ARHGEF7: variants seen among roughly 807,000 people sequenced by gnomAD.
ARHGEF7 encodes the protein Rho guanine nucleotide exchange factor 7.
ARHGEF7 carries 33 observed loss-of-function variants against 109.8 expected under a neutral mutation model. That is an observed-to-expected ratio of 0.30 (90% CI 0.23 to 0.40). The LOEUF (loss-of-function observed/expected upper bound fraction) is 0.40. Among genes scored for constraint, ARHGEF7 ranks in the 10% least tolerant of loss-of-function variants. ARHGEF7 has a pLI of 1.00. For missense variants in ARHGEF7, 938 were observed against 1,098.5 expected (o/e 0.85, Z 2.07); for synonymous variants, 458 against 424.6 (o/e 1.08, Z -0.97).
At chr13:111,232,395 C>T (rs972783085) in intron 5 of ARHGEF7, among the ~76,000 whole-genome samples, 5 of 152,074 alleles carry the variant, frequency 3.3e-5, no homozygotes, top group African/African-American at 2.4e-5. Flanking sequence ...GATGGACACA[C>T]CCACACTGTC....
chr13:111,145,781 C>A lies in ARHGEF7; in HGVS notation c.166-8124C>A, dbSNP rs1429844447. On this transcript the variant is annotated intron_variant, in intron 1 of 21. Transcript: ENST00000646102. This position sits in a 1 kb window ranked among gnomAD's most constrained non-coding sequence, Gnocchi z 4.3. Reference sequence around the variant, plus strand: ...GCCTGGTTGATGCAGTCCTCAGAGGCTGGTGCAGGTTGGTGAAATCCACGG... The same window carrying A: ...GCCTGGTTGATGCAGTCCTCAGAGGATGGTGCAGGTTGGTGAAATCCACGG... Among the ~76,000 whole-genome samples the A allele has an allele frequency of 6.6e-6, 1 of 152,236 alleles. No homozygotes were observed. The highest frequency in any genetic ancestry group is 1.9e-4 in the East Asian group (1 of 5,198).
intron 8 of ARHGEF7, among the ~76,000 whole-genome samples, chr13:111,262,748 G>A (rs1595310833): frequency 1.3e-5 from 2 of 152,326 alleles, no homozygotes; most frequent in African/African-American, 2.4e-5. Flanking sequence ...AAACCCTTGG[G>A]TACCCCCTTT....
intron 1 of ARHGEF7, among the ~76,000 whole-genome samples, chr13:111,147,178 A>C (rs957849982): frequency 6.6e-6 from 1 of 152,216 alleles, no homozygotes; most frequent in Non-Finnish European, 1.5e-5. Context: ...CATGGCTTTC[A>C]GTGGACCTAT....
intron 8 of ARHGEF7, among the ~76,000 whole-genome samples, chr13:111,254,490 G>T: frequency 7.0e-6 from 1 of 141,882 alleles, no homozygotes; most frequent in African/African-American, 2.7e-5. Context: ...GGCCTCAGAA[G>T]AGGATTCGGG....
chr13:111,210,477 A>T (rs2082360341), intron 4 of ARHGEF7, among the ~76,000 whole-genome samples: 1 of 152,214 alleles, frequency 6.6e-6, no homozygotes. Flanking sequence ...CAGGGGAGGG[A>T]ATCCCTTAGA....
intron 5 of ARHGEF7, among the ~76,000 whole-genome samples, chr13:111,227,085 A>G (rs1361421312): frequency 6.6e-6 from 1 of 152,216 alleles, no homozygotes; most frequent in East Asian, 1.9e-4. Flanking sequence ...GAAAACTTGA[A>G]TGGATGAAGA....
At chr13:111,264,902 GGTTT>G (rs2091458084) in intron 8 of ARHGEF7, among the ~76,000 whole-genome samples, 1 of 152,074 alleles carries the variant, frequency 6.6e-6, no homozygotes, top group African/African-American at 2.4e-5. Flanking sequence ...TAGAAGCAGA[GGTTT>G]ATTTTCACCT....
intron 6 of ARHGEF7, chr13:111,241,382 A>G: frequency 6.5e-7 from 1 of 1,531,090 alleles, no homozygotes; most frequent in South Asian, 1.2e-5. Flanking sequence ...AAGGCCAGCA[A>G]CCTCCTGGCA....
intron 6 of ARHGEF7, among the ~76,000 whole-genome samples, chr13:111,234,685 C>G (rs550591131): frequency 1.3e-5 from 2 of 152,250 alleles, no homozygotes; most frequent in South Asian, 4.1e-4. Context: ...AACTCCGGAT[C>G]CTTTTCTGCC....
intron 1 of ARHGEF7, among the ~76,000 whole-genome samples, chr13:111,124,377 A>G (rs545208973): frequency 6.6e-6 from 1 of 152,274 alleles, no homozygotes; most frequent in African/African-American, 2.4e-5. Flanking sequence ...AGAAGTCTGA[A>G]CCTGTTGGTC....
At chr13:111,186,460 C>T (rs2079265865) in intron 2 of ARHGEF7, among the ~76,000 whole-genome samples, 1 of 152,104 alleles carries the variant, frequency 6.6e-6, no homozygotes. Context: ...TAATTTTACC[C>T]CTGGGGTGTA....
intron 4 of ARHGEF7, among the ~76,000 whole-genome samples, chr13:111,213,817 C>A (rs2082789790): frequency 6.6e-6 from 1 of 152,198 alleles, no homozygotes; most frequent in Admixed American, 6.5e-5. Context: ...GGACCCCTCA[C>A]TCAGCTGCCG....
At chr13:111,162,045 C>T (rs1470808476) in intron 2 of ARHGEF7, among the ~76,000 whole-genome samples, 1 of 152,192 alleles carries the variant, frequency 6.6e-6, no homozygotes, top group East Asian at 1.9e-4. Flanking sequence ...CCTGATAGGG[C>T]ACTGCAAGGC....
chr13:111,186,790 C>G, intron 2 of ARHGEF7: 1 of 985,370 alleles, frequency 1.0e-6, no homozygotes, highest in Non-Finnish European at 1.2e-6. Context: ...ACCACTAAAG[C>G]TTCAGTGAGC....
chr13:111,254,170 A>G (rs1428756534), intron 8 of ARHGEF7, among the ~76,000 whole-genome samples: 4 of 152,252 alleles, frequency 2.6e-5, no homozygotes, highest in Non-Finnish European at 4.4e-5. Context: ...ATTTTCTGTA[A>G]GATGATAGTG....
At position 111,300,857 on chromosome 13, in the gene ARHGEF7, C is replaced by T. The variant is rs1356963698; in HGVS notation, c.2411+10C>T. ...CAGTGATAGAAGAAAAGTAAGATGT[C>T]TTCCGGTATTCTAAAGCAGATGTTT... On this transcript the variant is annotated intron_variant, in intron 20 of 21. Transcript: ENST00000646102. 1 of 1,556,080 alleles carries T rather than the reference C, an allele frequency of 6.4e-7. No homozygotes were observed. Among genetic ancestry groups the T allele is most frequent in the Admixed American group, 1.7e-5 (1 of 58,230 alleles).
intron 16 of ARHGEF7, among the ~76,000 whole-genome samples, chr13:111,284,957 A>C (rs1275830627): frequency 6.6e-6 from 1 of 152,240 alleles, no homozygotes; most frequent in Non-Finnish European, 1.5e-5. Context: ...ACATGTGTAT[A>C]AATGTGTCTT....
In ARHGEF7 at chr13:111,303,393, T is replaced by G; in HGVS notation, c.*280T>G. ...TTCTGCAATAAGTTCAGTGACTGAC[T>G]AAAAGTCTTGTTTTTCCAGACTTTG... On this transcript the variant is annotated 3_prime_UTR_variant, in exon 22 of 22. Coordinates refer to ENST00000646102, the MANE Select transcript of ARHGEF7 (RefSeq NM_001354046.2). 1 of 236,650 alleles carries G rather than the reference T, an allele frequency of 4.2e-6. No individual in the cohort carries two copies. Among genetic ancestry groups the G allele is most frequent in the Non-Finnish European group, 8.1e-6 (1 of 122,898 alleles). 14.7% of individuals were successfully genotyped at this position (236,650 alleles called of 1,614,324 possible).
intron 20 of ARHGEF7, 105 bp downstream of exon 20, chr13:111,300,952 C>CTTTT: frequency 4.1e-6 from 2 of 486,186 alleles, no homozygotes; most frequent in Non-Finnish European, 7.0e-6. Context: ...AGAAGCTTCA[C>CTTTT]TTTTTTTTTT....
Sources: gnomAD v4.1 joint callset for allele counts (sites outside exome capture counted in the v4.1 genomes callset) on GRCh38, gnomAD v4.1.1 for gene constraint, Gnocchi (gnomAD v3.1) non-coding constraint, MANE v1.5 for transcripts, NCBI Gene and HGNC (gene_info 2026-07-23, HGNC 2026-07-21) for gene names.